Variants in WWOX observed in about 807,000 individuals in gnomAD.
WWOX encodes the protein WW domain-containing oxidoreductase.
A neutral mutation model predicts 46.2 loss-of-function variants in WWOX; 69 were observed. The ratio of observed to expected loss-of-function variants is 1.49; its 90% CI spans 1.23 to 1.82. The LOEUF is 1.82. Among genes scored for constraint, WWOX ranks in the 40% most tolerant of loss-of-function variants. The pLI is 0.00. For missense variants in WWOX, 919 were observed against 542.6 expected (o/e 1.69, Z -6.89); for synonymous variants, 359 against 202.6 (o/e 1.77, Z -6.56).
chr16:78,955,565 A>T (rs2046148806), intron 8 of WWOX, among the ~76,000 whole-genome samples: 1 of 152,224 alleles, frequency 6.6e-6, no homozygotes, highest in Admixed American at 6.5e-5. Context: ...CCAGCAAATC[A>T]TTCATATTTA....
chr16:78,857,239 A>G (rs1029893628), intron 8 of WWOX, among the ~76,000 whole-genome samples: 1 of 152,252 alleles, frequency 6.6e-6, no homozygotes, highest in Non-Finnish European at 1.5e-5. Context: ...AAATTCATTG[A>G]AAAGAATTGG....
rs1030811086 is a variant in WWOX, at chr16:79,090,742, G to A, written c.1057-120866G>A. Among the ~76,000 whole-genome samples the A allele has an allele frequency of 4.6e-5, 7 of 152,302 alleles. 1 individual carries two copies. Among genetic ancestry groups the A allele is most frequent in the Non-Finnish European group, 2.9e-5 (2 of 68,012 alleles). On this transcript the variant is annotated intron_variant, in intron 8 of 8. Coordinates refer to ENST00000566780, the MANE Select transcript of WWOX (RefSeq NM_016373.4). ...GGCGGGGCCCAGGCATGCCACCAAGGCCAGGAGGAGAGACTGAGGAGGCTT... is the reference window on the plus strand; with the variant it reads ...GGCGGGGCCCAGGCATGCCACCAAGACCAGGAGGAGAGACTGAGGAGGCTT...
intron 8 of WWOX, among the ~76,000 whole-genome samples, chr16:78,586,075 G>A (rs1270824461): frequency 6.6e-6 from 1 of 152,076 alleles, no homozygotes; most frequent in Non-Finnish European, 1.5e-5. Context: ...AACAAAATTA[G>A]GCCAGGTGTG....
intron 8 of WWOX, among the ~76,000 whole-genome samples, chr16:78,455,871 A>T (rs527267624): frequency 1.6e-4 from 24 of 152,096 alleles, no homozygotes; most frequent in African/African-American, 4.6e-4. Context: ...TGAGATTTAA[A>T]AAACTAACTT....
chr16:79,067,623 G>A (rs532499507), intron 8 of WWOX, among the ~76,000 whole-genome samples: 74 of 136,052 alleles, frequency 5.4e-4, no homozygotes, highest in African/African-American at 2.1e-3. Flanking sequence ...TGTGCGTGTG[G>A]GTGGGGTGGG....
intron 5 of WWOX, among the ~76,000 whole-genome samples, chr16:78,256,486 A>G: frequency 6.6e-6 from 1 of 151,846 alleles, no homozygotes; most frequent in East Asian, 2.0e-4. Context: ...CAGGAGAGAA[A>G]TGTACTGGAC....
intron 4 of WWOX, among the ~76,000 whole-genome samples, chr16:78,154,436 G>C (rs1231154035): frequency 6.9e-6 from 1 of 144,656 alleles, no homozygotes; most frequent in Non-Finnish European, 1.5e-5. Context: ...CTTCATCTCT[G>C]TTGTATTCAT....
chr16:78,311,582 C>A (rs930873368), intron 5 of WWOX, among the ~76,000 whole-genome samples: 3 of 152,148 alleles, frequency 2.0e-5, no homozygotes, highest in Non-Finnish European at 4.4e-5. Flanking sequence ...TGTGACCTTA[C>A]AAATACATGT....
intron 5 of WWOX, among the ~76,000 whole-genome samples, chr16:78,332,890 G>A (rs2080793708): frequency 6.6e-6 from 1 of 152,018 alleles, no homozygotes; most frequent in Non-Finnish European, 1.5e-5. Context: ...AAGTTGCAAT[G>A]CAAACTAAGA....
At chr16:78,513,903 C>G (rs530253808) in intron 8 of WWOX, among the ~76,000 whole-genome samples, 3 of 149,898 alleles carry the variant, frequency 2.0e-5, no homozygotes, top group Non-Finnish European at 3.0e-5. Flanking sequence ...CTCCCCCCCC[C>G]CCCACTTGTA....
In WWOX at chr16:78,796,490, C is replaced by G. The variant is rs1597624571; in HGVS notation, c.1056+363738C>G. On this transcript the variant is annotated intron_variant, in intron 8 of 8. Coordinates refer to ENST00000566780, the MANE Select transcript of WWOX (RefSeq NM_016373.4). Reference sequence around the variant, plus strand: ...TGCAAGGGATTCTGGGAAATGTAGTCTGGTGATGCCTCGAGGAGGCAAGAG... The same window carrying G: ...TGCAAGGGATTCTGGGAAATGTAGTGTGGTGATGCCTCGAGGAGGCAAGAG... Among the ~76,000 whole-genome samples, 4 of 152,240 alleles carry G rather than the reference C, an allele frequency of 2.6e-5. No individual in the cohort carries two copies. In the South Asian group the frequency reaches 8.3e-4, roughly 32 times the overall value.
At chr16:79,015,049 T>G (rs2047384782) in intron 8 of WWOX, among the ~76,000 whole-genome samples, 2 of 152,272 alleles carry the variant, frequency 1.3e-5, no homozygotes, top group South Asian at 2.1e-4. Context: ...AAGGGGCCTT[T>G]CTCCTGCTGT....
intron 5 of WWOX, among the ~76,000 whole-genome samples, chr16:78,371,030 G>C (rs1277240161): frequency 9.2e-6 from 1 of 108,842 alleles, no homozygotes; most frequent in African/African-American, 3.2e-5. Flanking sequence ...ATCTCTTGCT[G>C]TTATCCTCAC....
intron 8 of WWOX, among the ~76,000 whole-genome samples, chr16:78,959,715 C>T (rs2046237255): frequency 6.6e-6 from 1 of 152,180 alleles, no homozygotes; most frequent in Non-Finnish European, 1.5e-5. Context: ...GCAACTACCA[C>T]ATCAAAAGGC....
chr16:78,136,986 A>C (rs111619875), intron 4 of WWOX, among the ~76,000 whole-genome samples: 4 of 152,102 alleles, frequency 2.6e-5, no homozygotes, highest in Admixed American at 1.3e-4. Context: ...GTAAGAGGAG[A>C]GGAGAGGCAG....
intron 8 of WWOX, among the ~76,000 whole-genome samples, chr16:78,505,565 T>C (rs2085176670): frequency 6.6e-6 from 1 of 152,198 alleles, no homozygotes; most frequent in Non-Finnish European, 1.5e-5. Flanking sequence ...AGTGCTGGGC[T>C]ACAGCGCCCA....
intron 8 of WWOX, among the ~76,000 whole-genome samples, chr16:78,443,664 A>G (rs1272386997): frequency 6.6e-6 from 1 of 152,180 alleles, no homozygotes; most frequent in Non-Finnish European, 1.5e-5. Context: ...AAATTATTTA[A>G]TGAACATTTA....
rs773434516 is a variant in WWOX at position 79,212,155 on chromosome 16, C to G, written c.*359C>G. 6.6e-7 allele frequency: 1 copy of G among 1,504,968 alleles called. No homozygotes were observed. Among genetic ancestry groups the G allele is most frequent in the Non-Finnish European group, 8.8e-7 (1 of 1,131,870 alleles). 93.2% of individuals were successfully genotyped at this position (1,504,968 alleles called of 1,614,324 possible). ...CCTGAGGTCCCCTCGTCCCATCCAG[C>G]TACCACCACGGCCACCACTGCAGCC... On this transcript the variant is annotated 3_prime_UTR_variant, in exon 9 of 9. Transcript: ENST00000566780.
At chr16:79,173,643 A>G (rs1333357735) in intron 8 of WWOX, among the ~76,000 whole-genome samples, 1 of 152,120 alleles carries the variant, frequency 6.6e-6, no homozygotes, top group African/African-American at 2.4e-5. Flanking sequence ...ATTTGAAGAA[A>G]AAAAAAAAAC....
Sources: gnomAD v4.1 joint callset for allele counts (sites outside exome capture counted in the v4.1 genomes callset) on GRCh38, gnomAD v4.1.1 for gene constraint, MANE v1.5 for transcripts, NCBI Gene and HGNC (gene_info 2026-07-23, HGNC 2026-07-21) for gene names.